The following CNOT3 variants were observed in gnomAD, a reference collection of about 807,000 sequenced individuals.
CNOT3 encodes the protein CCR4-NOT transcription complex subunit 3, also known as CCR4-associated factor 3.
In CNOT3, 2 loss-of-function variants were observed where a neutral mutation model predicts 89.4. The observed-to-expected ratio is 0.02, with a 90% CI of 0.01 to 0.07. The LOEUF (loss-of-function observed/expected upper bound fraction) is 0.07. CNOT3 is among the 10% of genes least tolerant of loss of function. CNOT3 has a pLI of 1.00. For missense variants in CNOT3, 664 were observed against 1,010.2 expected (o/e 0.66, Z 4.65); for synonymous variants, 486 against 402.0 (o/e 1.21, Z -2.50).
chr19:54,143,893 G>C (rs778660546), intron 5 of CNOT3, 113 bp from the exon 6 acceptor site: 74 of 1,500,706 alleles, frequency 4.9e-5, no homozygotes, highest in Non-Finnish European at 6.5e-5. Flanking sequence ...AAGAGGCAGC[G>C]GACTCAGAGC....
intron 1 of CNOT3, 192 bp from the exon 2 acceptor site, chr19:54,142,737 C>A (rs2074503365): frequency 6.7e-6 from 4 of 594,026 alleles, no homozygotes; most frequent in South Asian, 4.1e-5. Flanking sequence ...CTTATGGGGT[C>A]CCCTGTTGGC....
chr19:54,147,986 A>G (rs1272170637), intron 10 of CNOT3, among the ~76,000 whole-genome samples, 162 bp from the exon 11 acceptor site: 1 of 152,118 alleles, frequency 6.6e-6, no homozygotes, highest in East Asian at 1.9e-4. Flanking sequence ...TGAAGCCATG[A>G]GGGTGAGTAA....
chr19:54,138,508 G>C (rs1600393860), intron 1 of CNOT3, among the ~76,000 whole-genome samples: 1 of 151,888 alleles, frequency 6.6e-6, no homozygotes, highest in Admixed American at 6.5e-5. Context: ...GTGGCGGGGA[G>C]GGGGGGTGGT....
At position 54,148,512 on chromosome 19, in the gene CNOT3, C is replaced by A; in HGVS notation, c.1259C>A (p.Ala420Asp). 1 of 1,557,688 alleles carries A rather than the reference C, an allele frequency of 6.4e-7. No homozygotes were observed. Among genetic ancestry groups the A allele is most frequent in the South Asian group, 1.2e-5 (1 of 84,078 alleles). ...AGTAACAGCAGTGCCGGTGGAGGGGCTGGCAAGCAGAATGGCGCCACCAGT... is the reference window on the plus strand; with the variant it reads ...AGTAACAGCAGTGCCGGTGGAGGGGATGGCAAGCAGAATGGCGCCACCAGT... ...SSSNSSAGGG[A>D]GKQNGATSYS... The change falls in exon 11 of 18, where the codon GCT becomes GAT. Residue 420 changes from alanine to aspartate, a missense_variant. Around this residue, in one of 8 missense-constraint regions of CNOT3, gnomAD observed 545 missense variants for 566.2 expected, o/e 0.96. Coordinates refer to ENST00000221232, the MANE Select transcript of CNOT3 (RefSeq NM_014516.4). The surrounding 1 kb of genome is among the most constrained non-coding windows in gnomAD (Gnocchi z 6.3).
chr19:54,149,482 C>A, intron 12 of CNOT3, 78 bp from the exon 13 acceptor site: 1 of 870,692 alleles, frequency 1.1e-6, no homozygotes, highest in Non-Finnish European at 1.7e-6. Flanking sequence ...AGTCTCCCCT[C>A]TCTCCAGCCA....
intron 13 of CNOT3, among the ~76,000 whole-genome samples, chr19:54,151,011 G>C (rs998107099): frequency 6.6e-6 from 1 of 152,058 alleles, no homozygotes; most frequent in Non-Finnish European, 1.5e-5. Flanking sequence ...GGCAGGTCTT[G>C]AACTCCGAAC....
rs1386091124 is a variant in CNOT3, at chr19:54,155,438, C to T, written c.*31C>T. 1 of 1,441,054 alleles carries T rather than the reference C, an allele frequency of 6.9e-7. No homozygotes were observed. Among genetic ancestry groups the T allele is most frequent in the African/African-American group, 1.4e-5 (1 of 71,400 alleles). The allele number at this position is 1,441,054 out of a possible 1,614,324, so 89.3% of individuals were successfully genotyped here. On this transcript the variant is annotated 3_prime_UTR_variant, in exon 18 of 18. Transcript: ENST00000221232. ...GCCCCTCCCTCTACCCACCCCCTTC[C>T]CCCGCATGCTGATCCCCCTGCCCAG...
chr19:54,148,482 G>A lies in CNOT3; in HGVS notation c.1229G>A (p.Ser410Asn). The A allele has an allele frequency of 1.9e-6, 3 of 1,562,058 alleles. No individual in the cohort carries two copies. Among genetic ancestry groups the A allele is most frequent in the East Asian group, 2.3e-5 (1 of 43,534 alleles). ...GGGSGGGGSS[S>N]SSNSSAGGGA... Reference sequence around the variant, plus strand: ...GGCAGCGGAGGCGGAGGGAGCAGCAGCAGTAGTAACAGCAGTGCCGGTGGA... The same window carrying A: ...GGCAGCGGAGGCGGAGGGAGCAGCAACAGTAGTAACAGCAGTGCCGGTGGA... Residue 410 changes from serine to asparagine, a missense_variant, in exon 11 of 18, where the codon AGC becomes AAC. By Grantham distance (46) the Ser-to-Asn change is conservative. Coordinates refer to ENST00000221232, the MANE Select transcript of CNOT3 (RefSeq NM_014516.4). The surrounding 1 kb of genome is among the most constrained non-coding windows in gnomAD (Gnocchi z 6.3).
intron 13 of CNOT3, 47 bp from the exon 14 acceptor site, chr19:54,152,179 C>A (rs756598161): frequency 6.3e-7 from 1 of 1,599,962 alleles, no homozygotes; most frequent in Admixed American, 1.7e-5. Flanking sequence ...GCTGCACTTG[C>A]TCCTGCAGCC....
At chr19:54,151,427 G>C (rs587594985) in intron 13 of CNOT3, among the ~76,000 whole-genome samples, 1 of 152,274 alleles carries the variant, frequency 6.6e-6, no homozygotes, top group South Asian at 2.1e-4. Flanking sequence ...CGGATAGCTG[G>C]GCGTGGTGGC....
At chr19:54,138,975 G>A (rs2074338581) in intron 1 of CNOT3, among the ~76,000 whole-genome samples, 1 of 152,200 alleles carries the variant, frequency 6.6e-6, no homozygotes, top group Non-Finnish European at 1.5e-5. Flanking sequence ...GGGTGTGGGC[G>A]TCTCCCAGTG....
chr19:54,151,667 G>C (rs769519809), intron 13 of CNOT3, among the ~76,000 whole-genome samples: 1 of 152,206 alleles, frequency 6.6e-6, no homozygotes, highest in Non-Finnish European at 1.5e-5. Context: ...TGTAACCTTT[G>C]TAATAGGAAA....
intron 13 of CNOT3, among the ~76,000 whole-genome samples, chr19:54,151,667 G>A (rs769519809): frequency 1.3e-5 from 2 of 152,206 alleles, no homozygotes; most frequent in Non-Finnish European, 2.9e-5. Context: ...TGTAACCTTT[G>A]TAATAGGAAA....
intron 15 of CNOT3, 88 bp from the exon 16 acceptor site, chr19:54,152,779 C>T (rs1440300660): frequency 2.4e-6 from 2 of 846,202 alleles, no homozygotes; most frequent in Non-Finnish European, 4.0e-6. Flanking sequence ...TGTACCACCT[C>T]CCCCCGCAGG....
intron 3 of CNOT3, 88 bp from the exon 4 acceptor site, chr19:54,143,354 T>A: frequency 2.2e-6 from 3 of 1,378,126 alleles, no homozygotes; most frequent in East Asian, 2.3e-5. Flanking sequence ...GGGGGGGTCC[T>A]CGAGTCCCTA....
chr19:54,149,217 C>T (rs945993007), intron 12 of CNOT3, among the ~76,000 whole-genome samples: 5 of 152,196 alleles, frequency 3.3e-5, no homozygotes, highest in African/African-American at 1.2e-4. Context: ...CTGCTTCCTG[C>T]CCCCTCACCC....
chr19:54,148,558 G>A lies in CNOT3; in HGVS notation c.1282+23G>A, dbSNP rs1477425225. ...CCAGTGAGTGAGGAGGCAGCGGGGT[G>A]GGGGGCGTGGGCGGGGCTGGGCAGC... On this transcript the variant is annotated intron_variant, in intron 11 of 17. Coordinates refer to ENST00000221232, the MANE Select transcript of CNOT3 (RefSeq NM_014516.4). The surrounding 1 kb of genome is among the most constrained non-coding windows in gnomAD (Gnocchi z 6.3). 1.9e-6 allele frequency: 3 copies of A among 1,575,646 alleles called. No homozygotes were observed. The highest frequency in any genetic ancestry group is 1.7e-6 in the Non-Finnish European group (2 of 1,157,164).
chr19:54,145,936 C>G lies in CNOT3; in HGVS notation c.730C>G (p.Pro244Ala), dbSNP rs769899630. 150 of 1,613,824 alleles carry G rather than the reference C, an allele frequency of 9.3e-5. No homozygotes were observed. The highest frequency in any genetic ancestry group is 9.9e-5 in the South Asian group (9 of 91,084). The change falls in exon 9 of 18, where the codon CCC becomes GCC. Residue 244 changes from proline (P) to alanine (A), a missense_variant. Around this residue, in one of 8 missense-constraint regions of CNOT3, gnomAD observed 545 missense variants for 566.2 expected, o/e 0.96. Coordinates refer to ENST00000221232, the MANE Select transcript of CNOT3 (RefSeq NM_014516.4). The surrounding 1 kb of genome is among the most constrained non-coding windows in gnomAD (Gnocchi z 5.9). Reference sequence around the variant, plus strand: ...ACAGGCGCTGGTCGCCACCTCCCCCCCCAGCCACAGCCACATGGAGGATGA... The same window carrying G: ...ACAGGCGCTGGTCGCCACCTCCCCCGCCAGCCACAGCCACATGGAGGATGA... The part of the protein sequence containing the change: ...IPQALVATSP[P>A]SHSHMEDEIF...
intron 1 of CNOT3, among the ~76,000 whole-genome samples, chr19:54,138,986 A>G (rs906968759): frequency 1.3e-5 from 2 of 152,172 alleles, no homozygotes; most frequent in Non-Finnish European, 2.9e-5. Context: ...TCTCCCAGTG[A>G]TATCAGGACC....
Sources: gnomAD v4.1 joint callset for allele counts (sites outside exome capture counted in the v4.1 genomes callset) on GRCh38, gnomAD v4.1.1 for gene constraint, gnomAD v4.1.1 regional missense constraint, Gnocchi (gnomAD v3.1) non-coding constraint, MANE v1.5 for transcripts, NCBI Gene and HGNC (gene_info 2026-07-23, HGNC 2026-07-21) for gene names.